GIMAP8: variants seen among roughly 807,000 people sequenced by gnomAD.
GIMAP8 encodes GTPase IMAP family member 8.
A neutral mutation model predicts 35.6 loss-of-function variants in GIMAP8; 29 were observed. The observed-to-expected ratio is 0.81, with a 90% CI of 0.61 to 1.11. The LOEUF (loss-of-function observed/expected upper bound fraction) is 1.11. GIMAP8 is among the 50% of genes most tolerant of loss of function. The pLI is 0.00. For synonymous variants in GIMAP8, 335 were observed against 308.7 expected (o/e 1.09, Z -0.89); for missense variants, 811 against 805.0 (o/e 1.01, Z -0.09).
intron 2 of GIMAP8, among the ~76,000 whole-genome samples, chr7:150,468,834 T>G (rs982462891): frequency 1.3e-5 from 2 of 152,026 alleles, no homozygotes; most frequent in Non-Finnish European, 2.9e-5. Flanking sequence ...ATAAACTAAT[T>G]AAGTCCTCGT....
At chr7:150,464,149 GT>G (rs2116599579) in intron 1 of GIMAP8, among the ~76,000 whole-genome samples, 1 of 152,288 alleles carries the variant, frequency 6.6e-6, no homozygotes, top group Admixed American at 6.5e-5. Flanking sequence ...CTCATACAGA[GT>G]TTACATTAGC....
At position 150,477,744 on chromosome 7, in the gene GIMAP8, A is replaced by G. The variant is rs570450007; in HGVS notation, c.1962A>G (p.Glu654=). ...ATGTCCAGGAAATGTCCCAAGCCGAAAAACTCCTTAAAAATTTAATAGGTA... is the reference window on the plus strand; with the variant it reads ...ATGTCCAGGAAATGTCCCAAGCCGAGAAACTCCTTAAAAATTTAATAGGTA... ...IKNVQEMSQA[E]KLLKNLIGIL... is the part of the protein sequence containing the mutation. The change falls in exon 5 of 5, where the codon GAA becomes GAG. Residue 654 remains glutamate (E), a synonymous_variant. Transcript: ENST00000307271. The G allele has an allele frequency of 3.7e-5, 60 of 1,613,336 alleles. No individual in the cohort carries two copies. The highest frequency in any genetic ancestry group is 5.0e-5 in the Non-Finnish European group (59 of 1,179,848).
Position 150,466,964 on chromosome 7 carries a change from T to G in GIMAP8, c.266T>G (p.Leu89Arg), listed in dbSNP as rs140677657. The part of the protein sequence containing the change: ...KQRNIQHCLE[L>R]SAPSLHALLL... Reference sequence around the variant, plus strand: ...CGCAACATCCAACACTGCTTGGAGCTCTCTGCTCCCAGCCTCCATGCTCTG... The same window carrying G: ...CGCAACATCCAACACTGCTTGGAGCGCTCTGCTCCCAGCCTCCATGCTCTG... Residue 89 changes from leucine (L) to arginine (R), a missense_variant, in exon 2 of 5, where the codon CTC (leucine) becomes CGC (arginine). Transcript: ENST00000307271. 3.0e-5 allele frequency: 48 copies of G among 1,614,198 alleles called. No individual in the cohort carries two copies. The Admixed American group carries it at 7.5e-4, about 25-fold the overall frequency.
chr7:150,453,120 T>G (rs1225295814), intron 1 of GIMAP8, among the ~76,000 whole-genome samples: 1 of 151,782 alleles, frequency 6.6e-6, no homozygotes, highest in East Asian at 1.9e-4. Context: ...ATAAAATTAA[T>G]AAATAATTAT....
At chr7:150,457,588 G>A (rs994516405) in intron 1 of GIMAP8, among the ~76,000 whole-genome samples, 6 of 152,136 alleles carry the variant, frequency 3.9e-5, no homozygotes, top group Non-Finnish European at 8.8e-5. Flanking sequence ...CAAAGGTTTA[G>A]TAACCAGAAC....
rs1017503188 is a variant in GIMAP8 at position 150,479,359 on chromosome 7, G to A, written c.*1579G>A. 4 of 152,170 alleles carry A rather than the reference G, an allele frequency of 2.6e-5. No homozygotes were observed. The highest frequency in any genetic ancestry group is 4.4e-5 in the Non-Finnish European group (3 of 68,040). 9.4% of individuals were successfully genotyped at this position (152,170 alleles called of 1,614,324 possible). A position where few individuals can be genotyped will look rare whatever the true frequency, so the allele number is the denominator to read the frequency against. On this transcript the variant is annotated 3_prime_UTR_variant, in exon 5 of 5. Transcript: ENST00000307271. ...AAAAAGTGTGTAAATATATTTAGTT[G>A]AATCAAATAATAAAGATGAATCATT...
At chr7:150,456,827 C>T (rs920479901) in intron 1 of GIMAP8, among the ~76,000 whole-genome samples, 5 of 152,158 alleles carry the variant, frequency 3.3e-5, no homozygotes, top group Non-Finnish European at 7.3e-5. Context: ...TCATACTATA[C>T]ACAAAAGCAA....
chr7:150,470,515 TG>T (rs1176214928), intron 2 of GIMAP8, among the ~76,000 whole-genome samples: 1 of 152,140 alleles, frequency 6.6e-6, no homozygotes, highest in Non-Finnish European at 1.5e-5. Context: ...CAAATTATAT[TG>T]GACAATTAAC....
At position 150,466,849 on chromosome 7, in the gene GIMAP8, A is replaced by G. The variant is rs1275156859; in HGVS notation, c.151A>G (p.Arg51Gly). ...SDQTVIKMCQ[R>G]ESWVLRERKV... ...TCAGACAGTGATCAAAATGTGCCAG[A>G]GAGAGAGTTGGGTCCTGAGAGAAAG... Residue 51 changes from arginine (R) to glycine (G), a missense_variant, in exon 2 of 5, where the codon AGA becomes GGA. Coordinates refer to ENST00000307271, the MANE Select transcript of GIMAP8 (RefSeq NM_175571.4). 6.2e-7 allele frequency: 1 copy of G among 1,614,242 alleles called. No individual in the cohort carries two copies. The highest frequency in any genetic ancestry group is 1.1e-5 in the South Asian group (1 of 91,092).
At chr7:150,467,928 T>G (rs1802006764) in intron 2 of GIMAP8, among the ~76,000 whole-genome samples, 1 of 152,208 alleles carries the variant, frequency 6.6e-6, no homozygotes, top group South Asian at 2.1e-4. Context: ...TTGTCTCTCT[T>G]ATACTTTCTC....
chr7:150,459,736 A>G (rs1039665838), intron 1 of GIMAP8, among the ~76,000 whole-genome samples: 2 of 152,184 alleles, frequency 1.3e-5, no homozygotes, highest in African/African-American at 4.8e-5. Context: ...TTCCATGAAC[A>G]TGGGCCCATT....
intron 1 of GIMAP8, among the ~76,000 whole-genome samples, chr7:150,452,950 G>A (rs375962543): frequency 1.3e-5 from 2 of 150,994 alleles, no homozygotes; most frequent in African/African-American, 4.9e-5. Context: ...TCCTGTGATC[G>A]TTCATTCCTT....
In GIMAP8 at chr7:150,477,799, G is replaced by T. The variant is rs1802274541; in HGVS notation, c.*19G>T. 1 of 1,593,278 alleles carries T rather than the reference G, an allele frequency of 6.3e-7. No homozygotes were observed. Among genetic ancestry groups the T allele is most frequent in the Non-Finnish European group, 8.6e-7 (1 of 1,167,302 alleles). ...ACAATAGGTAGCCGAAGTGCCTGGG[G>T]TCTCTTCAATTAGAGACACCCTCAG... On this transcript the variant is annotated 3_prime_UTR_variant, in exon 5 of 5. Transcript: ENST00000307271.
At position 150,466,757 on chromosome 7, in the gene GIMAP8, G is replaced by T; in HGVS notation, c.59G>T (p.Arg20Leu). 1 of 1,614,162 alleles carries T rather than the reference G, an allele frequency of 6.2e-7. No individual in the cohort carries two copies. The highest frequency in any genetic ancestry group is 8.5e-7 in the Non-Finnish European group (1 of 1,180,006). Residue 20 changes from arginine to leucine, a missense_variant, in exon 2 of 5, where the codon CGC (arginine) becomes CTC (leucine). Transcript: ENST00000307271. ...ELRLLLLGKC[R>L]SGKSATGNAI... ...CGGCTCCTCCTCCTGGGAAAATGCC[G>T]CTCGGGAAAAAGTGCCACAGGAAAT...
intron 1 of GIMAP8, among the ~76,000 whole-genome samples, chr7:150,455,727 C>T (rs185894417): frequency 6.6e-6 from 1 of 152,208 alleles, no homozygotes; most frequent in Non-Finnish European, 1.5e-5. Context: ...TTCAGTACAT[C>T]TGGGGCAGGG....
intron 1 of GIMAP8, among the ~76,000 whole-genome samples, chr7:150,463,393 G>A (rs1401959323): frequency 6.6e-6 from 1 of 152,158 alleles, no homozygotes; most frequent in Non-Finnish European, 1.5e-5. Flanking sequence ...TTCCTTTGGA[G>A]ATACTATGTT....
chr7:150,469,719 A>C (rs1802045814), intron 2 of GIMAP8, among the ~76,000 whole-genome samples: 2 of 152,244 alleles, frequency 1.3e-5, no homozygotes, highest in South Asian at 4.1e-4. Context: ...AAATAAAAAA[A>C]AAAAGGTATA....
At position 150,452,675 on chromosome 7, in the gene GIMAP8, GATATAT is replaced by G. The variant is rs373374121; in HGVS notation, c.-29+1530_-29+1535del. On this transcript the variant is annotated intron_variant, in intron 1 of 4. Coordinates refer to ENST00000307271, the MANE Select transcript of GIMAP8 (RefSeq NM_175571.4). Reference sequence around the variant, plus strand: ...TATATGTGTGTGTGTGTGTGTGTGAGATATATATATATATATATATATATATATATA... The same window carrying G: ...TATATGTGTGTGTGTGTGTGTGTGAGATATATATATATATATATATATATA... 2.5e-3 allele frequency among the ~76,000 whole-genome samples: 199 copies of G among 79,626 alleles called. 3 individuals carry two copies. The highest frequency in any genetic ancestry group is 0.018 in the Middle Eastern group (2 of 114). 52.2% of individuals were successfully genotyped at this position (79,626 alleles called of 152,430 possible).
At chr7:150,464,254 T>C (rs1478717344) in intron 1 of GIMAP8, among the ~76,000 whole-genome samples, 1 of 152,220 alleles carries the variant, frequency 6.6e-6, no homozygotes, top group Non-Finnish European at 1.5e-5. Flanking sequence ...CGATTCTTTG[T>C]AGACGGCAGA....
Sources: gnomAD v4.1 joint callset for allele counts (sites outside exome capture counted in the v4.1 genomes callset) on GRCh38, gnomAD v4.1.1 for gene constraint, MANE v1.5 for transcripts, NCBI Gene and HGNC (gene_info 2026-07-23, HGNC 2026-07-21) for gene names.